TLE2: variants seen among roughly 807,000 people sequenced by gnomAD.
TLE2 encodes the protein TLE family member 2, transcriptional corepressor, also known as transducin-like enhancer protein 2.
TLE2 carries 74 observed loss-of-function variants against 97.2 expected under a neutral mutation model. The ratio of observed to expected loss-of-function variants is 0.76; its 90% confidence interval spans 0.63 to 0.92. TLE2 has a LOEUF of 0.92. Ranked by LOEUF, TLE2 falls within the 40% of genes least tolerant of loss-of-function variation. The pLI is 0.00. For missense variants in TLE2, 1,038 were observed against 1,008.7 expected (o/e 1.03, Z -0.39); for synonymous variants, 499 against 432.1 (o/e 1.15, Z -1.92).
In TLE2 at chr19:3,028,701, C is replaced by T; in HGVS notation, c.122+5G>A. 2 of 1,612,806 alleles carry T rather than the reference C, an allele frequency of 1.2e-6. No individual in the cohort carries two copies. Among genetic ancestry groups the T allele is most frequent in the East Asian group, 2.2e-5 (1 of 44,850 alleles). On this transcript the variant is annotated splice_donor_5th_base_variant and intron_variant, in intron 2 of 19. Transcript: ENST00000262953. ...TCCCGCGGCCCCTGGGGCGGCCCCC[C>T]TCACCTGTGGTATTGAGCCTGAAGA...
At chr19:3,039,600 T>A (rs552350235) in intron 1 of TLE2, among the ~76,000 whole-genome samples, 27 of 152,272 alleles carry the variant, frequency 1.8e-4, no homozygotes, top group African/African-American at 6.5e-4. Context: ...CGAGGCCTCG[T>A]GGCTCTGGGA....
chr19:3,045,261 T>A (rs1230499531), intron 1 of TLE2, among the ~76,000 whole-genome samples: 1 of 152,152 alleles, frequency 6.6e-6, no homozygotes, highest in Non-Finnish European at 1.5e-5. Context: ...GTGATGGGGA[T>A]GACTGAAGTA....
chr19:3,005,692 C>T (rs1228663361), intron 16 of TLE2, 29 bp downstream of exon 16: 4 of 1,608,742 alleles, frequency 2.5e-6, no homozygotes, highest in African/African-American at 2.7e-5. Flanking sequence ...CGGGGGCTTG[C>T]CCAAGGTCCC....
chr19:3,031,673 C>G (rs1231582993), upstream of TLE2, among the ~76,000 whole-genome samples: 1 of 152,098 alleles, frequency 6.6e-6, no homozygotes, highest in Admixed American at 6.6e-5. Flanking sequence ...CGCCCTCACT[C>G]ACTCTGCCCA....
upstream of TLE2, among the ~76,000 whole-genome samples, chr19:3,030,950 C>CA (rs60265159): frequency 0.36 from 40,724 of 112,680 alleles, 6,866 homozygotes; most frequent in East Asian, 0.43. Context: ...GACCTTGTCT[C>CA]AAAAAAAAAA....
At chr19:3,041,089 A>AGAT (rs200093180) in intron 1 of TLE2, among the ~76,000 whole-genome samples, 12,500 of 123,370 alleles carry the variant, frequency 0.1, 718 homozygotes, top group Middle Eastern at 0.19. Flanking sequence ...TACAGTGGCG[A>AGAT]GATCTCGGCT....
rs535626862 is a variant in TLE2 at position 3,005,533 on chromosome 19, G to A, written c.1800C>T (p.Tyr600=). 112 of 1,613,548 alleles carry A rather than the reference G, an allele frequency of 6.9e-5. No homozygotes were observed. The East Asian group carries it at 9.4e-4, about 13-fold the overall frequency. ...GGCCCCCTGTCCAGAGCCGAGTGCCGTAATCGGAAATATCAATGCAGCTGG... is the reference window on the plus strand; with the variant it reads ...GGCCCCCTGTCCAGAGCCGAGTGCCATAATCGGAAATATCAATGCAGCTGG... ...DGASCIDISD[Y]GTRLWTGGLD... Residue 600 remains tyrosine (Y), a synonymous_variant, in exon 17 of 20, where the codon TAC becomes TAT. Transcript: ENST00000262953.
upstream of TLE2, among the ~76,000 whole-genome samples, chr19:3,032,131 C>T (rs1416246494): frequency 6.6e-6 from 1 of 151,990 alleles, no homozygotes; most frequent in East Asian, 1.9e-4. The surrounding 1 kb of genome is among the most constrained non-coding windows in gnomAD (Gnocchi z 4.1). Context: ...ACGGATTCAC[C>T]ATGTTGGCCG....
At position 2,998,698 on chromosome 19, in the gene TLE2, CCACCGCG is replaced by C. The variant is rs2089282423; in HGVS notation, c.2125-750_2125-744del. Among the ~76,000 whole-genome samples, 3 of 152,214 alleles carry C rather than the reference CCACCGCG, an allele frequency of 2.0e-5. No individual in the cohort carries two copies. In the South Asian group the frequency reaches 6.2e-4, roughly 31 times the overall value. ...AAAGTGCTGGGATTACAAGCGTGAG[CCACCGCG>C]CCCGGCAGAGCGACTTGTTTTCTAC... On this transcript the variant is annotated intron_variant, in intron 19 of 19. Transcript: ENST00000262953.
chr19:3,023,158 A>C (rs2089879911), intron 5 of TLE2, among the ~76,000 whole-genome samples: 1 of 151,352 alleles, frequency 6.6e-6, no homozygotes, highest in South Asian at 2.1e-4. Flanking sequence ...GGGTTCAAGC[A>C]ATTCTCCTGC....
chr19:2,998,632 T>G (rs527617982), intron 19 of TLE2, among the ~76,000 whole-genome samples: 1 of 152,112 alleles, frequency 6.6e-6, no homozygotes, highest in African/African-American at 2.4e-5. Context: ...CAGGCTAGTC[T>G]CAAACTCCTG....
chr19:3,007,807 C>T (rs73516380), intron 14 of TLE2, among the ~76,000 whole-genome samples: 5 of 152,018 alleles, frequency 3.3e-5, no homozygotes, highest in African/African-American at 7.2e-5. Flanking sequence ...ATTTTCAGGC[C>T]GGCACAGTGG....
At chr19:3,035,260 A>G (rs1406457722) in intron 1 of TLE2, among the ~76,000 whole-genome samples, 2 of 152,124 alleles carry the variant, frequency 1.3e-5, no homozygotes, top group Non-Finnish European at 2.9e-5. Flanking sequence ...CTGTGACTCC[A>G]TAACTCCCCA....
At position 3,006,493 on chromosome 19, in the gene TLE2, C is replaced by T. The variant is rs761988118; in HGVS notation, c.1427G>A (p.Gly476Asp). The T allele has an allele frequency of 6.2e-7, 1 of 1,609,994 alleles. No individual in the cohort carries two copies. The highest frequency in any genetic ancestry group is 8.5e-7 in the Non-Finnish European group (1 of 1,179,022). ...GTCCCACACCTTCACACAGCCCTTG[C>T]CGCCCGTGTACACATGCTGTGTGGA... Reference protein sequence around the residue: ...SGSTQHVYTGGKGCVKVWDVG... With the variant: ...SGSTQHVYTGDKGCVKVWDVG... The change falls in exon 15 of 20, where the codon GGC (glycine) becomes GAC (aspartate). Residue 476 changes from glycine (G) to aspartate (D), a missense_variant. Gly to Asp is a moderately conservative substitution (Grantham distance 94). Transcript: ENST00000262953.
At chr19:3,028,675 C>G (rs908957816) in intron 2 of TLE2, 31 bp downstream of exon 2, 1 of 1,609,974 alleles carries the variant, frequency 6.2e-7, no homozygotes, top group East Asian at 2.2e-5. Context: ...CCCAGGTGAA[C>G]TCCCGCGGCC....
Position 3,028,934 on chromosome 19 carries a change from C to T in TLE2, c.-30G>A. ...CCGATCCGAAAAGCCCCCCAGGCGC[C>T]ACCAGAGCTTGATGATATGGAGGCG... On this transcript the variant is annotated 5_prime_UTR_variant, in exon 1 of 20. Transcript: ENST00000262953. 1 of 1,606,758 alleles carries T rather than the reference C, an allele frequency of 6.2e-7. No individual in the cohort carries two copies.
At chr19:3,021,625 C>G (rs1055973811) in intron 5 of TLE2, among the ~76,000 whole-genome samples, 1 of 151,912 alleles carries the variant, frequency 6.6e-6, no homozygotes, top group Non-Finnish European at 1.5e-5. Flanking sequence ...CTCTGTTGCC[C>G]AGGCTGGAGT....
At position 3,009,533 on chromosome 19, in the gene TLE2, A is replaced by T. The variant is rs2089546179; in HGVS notation, c.1173+9T>A. ...CTGACACCTCCTGCGCCCCCACCCAAGGACTCACCACGGGGGAGCGTCCGT... is the reference window on the plus strand; with the variant it reads ...CTGACACCTCCTGCGCCCCCACCCATGGACTCACCACGGGGGAGCGTCCGT... On this transcript the variant is annotated intron_variant, in intron 13 of 19. Transcript: ENST00000262953. 6.3e-7 allele frequency: 1 copy of T among 1,593,980 alleles called. No individual in the cohort carries two copies. The highest frequency in any genetic ancestry group is 1.3e-5 in the African/African-American group (1 of 74,200).
upstream of TLE2, chr19:3,045,827 C>CA (rs537699915): frequency 3.0e-3 from 1,118 of 377,518 alleles, 2 homozygotes; most frequent in Non-Finnish European, 4.4e-3. Flanking sequence ...AACTCTGTCT[C>CA]AAAAAACAAC....
Sources: gnomAD v4.1 joint callset for allele counts (sites outside exome capture counted in the v4.1 genomes callset) on GRCh38, gnomAD v4.1.1 for gene constraint, Gnocchi (gnomAD v3.1) non-coding constraint, MANE v1.5 for transcripts, NCBI Gene and HGNC (gene_info 2026-07-23, HGNC 2026-07-21) for gene names.